Variants in PCDHGA9 observed in about 807,000 individuals in gnomAD.
PCDHGA9 encodes protocadherin gamma-A9.
A neutral mutation model predicts 62.5 loss-of-function variants in PCDHGA9; 37 were observed. That is an observed-to-expected ratio of 0.59 (90% confidence interval 0.46 to 0.78). The LOEUF is 0.78. Among genes scored for constraint, PCDHGA9 ranks in the 30% least tolerant of loss-of-function variants. The pLI, the probability that PCDHGA9 is intolerant of heterozygous loss-of-function variation, is 0.00. For missense variants in PCDHGA9, 1,138 were observed against 1,166.2 expected, an observed-to-expected ratio of 0.98 and a Z score of 0.35; for synonymous variants, 459 against 484.6, an observed-to-expected ratio of 0.95 and a Z score of 0.69.
chr5:141,461,334 G>T (rs558562450), intron 1 of PCDHGA9, among the ~76,000 whole-genome samples: 75 of 152,166 alleles, frequency 4.9e-4, no homozygotes, highest in African/African-American at 1.7e-3. Flanking sequence ...GGCCATTCTT[G>T]CAGGACCAAG....
At chr5:141,457,167 C>T (rs1465212183) in intron 1 of PCDHGA9, among the ~76,000 whole-genome samples, 1 of 152,114 alleles carries the variant, frequency 6.6e-6, no homozygotes, top group East Asian at 1.9e-4. Context: ...CATGGATAAC[C>T]CTATTGCAAA....
In PCDHGA9 at chr5:141,511,098, T is replaced by G; in HGVS notation, c.2724T>G (p.Ala908=). 6.2e-7 allele frequency: 1 copy of G among 1,614,132 alleles called. No individual in the cohort carries two copies. The highest frequency in any genetic ancestry group is 8.5e-7 in the Non-Finnish European group (1 of 1,179,996). ...PGSNATLTNA[A]GKRDGKAPAG... is the part of the protein sequence containing the mutation. The stretch of plus-strand genomic sequence containing the variant: ...GCAATGCCACACTGACCAACGCAGC[T>G]GGCAAGCGGGATGGCAAGGCCCCAG... Residue 908 remains alanine, a synonymous_variant, in exon 4 of 4, where the codon GCT becomes GCG. Transcript: ENST00000573521.
chr5:141,507,810 G>A (rs550331241), intron 3 of PCDHGA9, among the ~76,000 whole-genome samples: 1 of 152,290 alleles, frequency 6.6e-6, no homozygotes, highest in African/African-American at 2.4e-5. Context: ...CCTGGGGAAC[G>A]GACCCTGGGG....
intron 2 of PCDHGA9, among the ~76,000 whole-genome samples, chr5:141,499,102 C>T (rs1172661012): frequency 1.3e-5 from 2 of 152,170 alleles, no homozygotes; most frequent in Admixed American, 6.5e-5. Context: ...TGCTTCTCCT[C>T]CCCACCACTA....
At chr5:141,413,443 A>G (rs2095641277) in intron 1 of PCDHGA9, 1 of 1,613,986 alleles carries the variant, frequency 6.2e-7, no homozygotes, top group Admixed American at 1.7e-5. Context: ...CAGCTTGATC[A>G]CCGCGGGCAG....
intron 1 of PCDHGA9, among the ~76,000 whole-genome samples, chr5:141,472,145 A>G (rs1376068421): frequency 6.6e-6 from 1 of 152,244 alleles, no homozygotes; most frequent in Non-Finnish European, 1.5e-5. Flanking sequence ...TAAAAGTTTC[A>G]TGGTTACATA....
Position 141,490,536 on chromosome 5 carries a change from T to C in PCDHGA9, c.2425-4271T>C. ...TGCTGGCCAGCGATGCTGGTTCACCTTCCCTACACAAACATCTCACCATCA... is the reference window on the plus strand; with the variant it reads ...TGCTGGCCAGCGATGCTGGTTCACCCTCCCTACACAAACATCTCACCATCA... On this transcript the variant is annotated intron_variant, in intron 1 of 3. Transcript: ENST00000573521. The surrounding 1 kb of genome is among the most constrained non-coding windows in gnomAD (Gnocchi z 5.4). The C allele has an allele frequency of 1.9e-6, 3 of 1,614,150 alleles. No individual in the cohort carries two copies. The highest frequency in any genetic ancestry group is 2.5e-6 in the Non-Finnish European group (3 of 1,180,010).
At chr5:141,470,602 G>A (rs1004044883) in intron 1 of PCDHGA9, among the ~76,000 whole-genome samples, 1 of 152,268 alleles carries the variant, frequency 6.6e-6, no homozygotes, top group South Asian at 2.1e-4. Flanking sequence ...ACCTGTGCGG[G>A]GACACAGGGC....
intron 1 of PCDHGA9, among the ~76,000 whole-genome samples, chr5:141,492,438 G>C (rs2099740636): frequency 6.6e-6 from 1 of 152,236 alleles, no homozygotes; most frequent in Non-Finnish European, 1.5e-5. Flanking sequence ...AGGAGTACTC[G>C]TAGCTGATTG....
chr5:141,438,733 C>T (rs2098057443), intron 1 of PCDHGA9, among the ~76,000 whole-genome samples: 1 of 149,042 alleles, frequency 6.7e-6, no homozygotes, highest in Non-Finnish European at 1.5e-5. Context: ...GTGATCTCAG[C>T]TCACTGCAAC....
Position 141,431,645 on chromosome 5 carries a change from T to C in PCDHGA9, c.2424+26269T>C. ...GGCGGCCCAAGTTTTCAAACTAGAT[T>C]GTAATTCAGGGACAATATCAACAAT... is the stretch of plus-strand genomic sequence containing the variant. On this transcript the variant is annotated intron_variant, in intron 1 of 3. Coordinates refer to ENST00000573521, the MANE Select transcript of PCDHGA9 (RefSeq NM_018921.3). This position sits in a 1 kb window ranked among gnomAD's most constrained non-coding sequence, Gnocchi z 4.8. 6.2e-7 allele frequency: 1 copy of C among 1,614,236 alleles called. No individual in the cohort carries two copies.
intron 1 of PCDHGA9, among the ~76,000 whole-genome samples, chr5:141,438,587 CAT>C (rs1372372472): frequency 3.8e-4 from 28 of 73,432 alleles, no homozygotes; most frequent in African/African-American, 1.4e-3. Flanking sequence ...TACATACATA[CAT>C]ACATATATAT....
intron 1 of PCDHGA9, chr5:141,421,165 T>C: frequency 7.7e-7 from 1 of 1,297,018 alleles, no homozygotes; most frequent in Non-Finnish European, 1.0e-6. Flanking sequence ...ACTTCATAGA[T>C]ACATAAGCCG....
At chr5:141,437,016 T>G (rs1025489534) in intron 1 of PCDHGA9, among the ~76,000 whole-genome samples, 1 of 152,254 alleles carries the variant, frequency 6.6e-6, no homozygotes, top group Non-Finnish European at 1.5e-5. Flanking sequence ...TTAGATAATT[T>G]CACCAGAAAA....
intron 1 of PCDHGA9, among the ~76,000 whole-genome samples, chr5:141,407,218 G>A (rs1056826116): frequency 1.3e-5 from 2 of 152,108 alleles, no homozygotes; most frequent in Admixed American, 6.5e-5. Flanking sequence ...CCTTAAGTGG[G>A]TAGCAAAAAA....
intron 1 of PCDHGA9, among the ~76,000 whole-genome samples, chr5:141,480,753 G>A (rs1418880497): frequency 1.3e-5 from 2 of 152,144 alleles, no homozygotes; most frequent in Non-Finnish European, 2.9e-5. Flanking sequence ...ATCATTTTTT[G>A]AAGGTCCCCA....
intron 1 of PCDHGA9, chr5:141,478,511 C>CA: frequency 3.1e-6 from 5 of 1,611,778 alleles, no homozygotes; most frequent in Non-Finnish European, 4.2e-6. Context: ...GTTCTATAGG[C>CA]AGGTGTTGGG....
intron 1 of PCDHGA9, chr5:141,417,710 T>C: frequency 8.0e-7 from 1 of 1,249,348 alleles, no homozygotes; most frequent in Non-Finnish European, 1.1e-6. Context: ...ACACAGAGGC[T>C]CCCGGCTGCG....
At position 141,485,632 on chromosome 5, in the gene PCDHGA9, G is replaced by C; in HGVS notation, c.2425-9175G>C. 6.2e-7 allele frequency: 1 copy of C among 1,611,766 alleles called. No individual in the cohort carries two copies. The highest frequency in any genetic ancestry group is 8.5e-7 in the Non-Finnish European group (1 of 1,178,342). ...CAGCTCCTCCAGGACAGCGTTTCCC[G>C]TTGGAAAAGGCTCAGGATGCAGATG... is the stretch of plus-strand genomic sequence containing the variant. On this transcript the variant is annotated intron_variant, in intron 1 of 3. Coordinates refer to ENST00000573521, the MANE Select transcript of PCDHGA9 (RefSeq NM_018921.3). This position sits in a 1 kb window ranked among gnomAD's most constrained non-coding sequence, Gnocchi z 5.7.
Sources: gnomAD v4.1 joint callset for allele counts (sites outside exome capture counted in the v4.1 genomes callset) on GRCh38, gnomAD v4.1.1 for gene constraint, Gnocchi (gnomAD v3.1) non-coding constraint, MANE v1.5 for transcripts, NCBI Gene and HGNC (gene_info 2026-07-23, HGNC 2026-07-21) for gene names.